Variants in GALNT12 observed in about 807,000 individuals in gnomAD.
GALNT12 encodes polypeptide N-acetylgalactosaminyltransferase 12.
In GALNT12, 45 loss-of-function variants were observed where a neutral mutation model predicts 55.5. That is an observed-to-expected ratio of 0.81 (90% CI 0.64 to 1.04). The LOEUF is 1.04. Among genes scored for constraint, GALNT12 ranks in the 50% least tolerant of loss-of-function variants. The pLI, the probability that GALNT12 is intolerant of heterozygous loss-of-function variation, is 0.00. For missense variants in GALNT12, 709 were observed against 754.8 expected (o/e 0.94, Z 0.71); for synonymous variants, 304 against 312.2 (o/e 0.97, Z 0.28).
At chr9:98,814,854 C>T (rs78280499) in intron 1 of GALNT12, among the ~76,000 whole-genome samples, 1 of 152,238 alleles carries the variant, frequency 6.6e-6, no homozygotes, top group East Asian at 1.9e-4. Flanking sequence ...TTATATGGTG[C>T]CTCTCCTGTA....
At chr9:98,810,285 A>C (rs1398153810) in intron 1 of GALNT12, among the ~76,000 whole-genome samples, 1 of 152,084 alleles carries the variant, frequency 6.6e-6, no homozygotes, top group Non-Finnish European at 1.5e-5. Flanking sequence ...GCCCTGAGGG[A>C]GGAGCATCTA....
In GALNT12 at chr9:98,823,222, ATCCTGAGT is replaced by A. The variant is rs373141623; in HGVS notation, c.372-27_372-20del. 27 of 1,609,534 alleles carry A rather than the reference ATCCTGAGT, an allele frequency of 1.7e-5. No homozygotes were observed. In the African/African-American group the frequency reaches 2.9e-4, roughly 18 times the overall value. ...CATCCCCAGTGCCAGCCTGGGCTAG[ATCCTGAGT>A]TCCTGAAGTTCCGCTGTATTTGCAG... On this transcript the variant is annotated intron_variant, in intron 1 of 9. Transcript: ENST00000375011.
rs369173179 is a variant in GALNT12 at position 98,827,298 on chromosome 9, TCTCCTCCTCA to T, written c.731+368_731+377del. Among the ~76,000 whole-genome samples, 1,175 of 152,150 alleles carry T rather than the reference TCTCCTCCTCA, an allele frequency of 7.7e-3. 15 individuals carry two copies. Among genetic ancestry groups the T allele is most frequent in the African/African-American group, 0.026 (1,075 of 41,490 alleles). ...CCTCTGCCTCCCGGGATCAAGCGAT[TCTCCTCCTCA>T]CTCCTCCTCAGCCTCCGGAGTAGCT... is the stretch of plus-strand genomic sequence containing the variant. On this transcript the variant is annotated intron_variant, in intron 3 of 9. Coordinates refer to ENST00000375011, the MANE Select transcript of GALNT12 (RefSeq NM_024642.5).
chr9:98,828,546 T>TC (rs1245108605), intron 3 of GALNT12, among the ~76,000 whole-genome samples: 1 of 152,192 alleles, frequency 6.6e-6, no homozygotes, highest in African/African-American at 2.4e-5. Context: ...CTTTTAGAAT[T>TC]CCTCTTCATC....
At chr9:98,809,560 C>T (rs143129812) in intron 1 of GALNT12, among the ~76,000 whole-genome samples, 16 of 152,208 alleles carry the variant, frequency 1.1e-4, no homozygotes, top group East Asian at 5.8e-4. Context: ...CCTTCGTTTG[C>T]GAAATAGGAA....
At chr9:98,833,363 A>C (rs1050339057) in intron 4 of GALNT12, among the ~76,000 whole-genome samples, 3 of 152,124 alleles carry the variant, frequency 2.0e-5, no homozygotes, top group African/African-American at 4.8e-5. Flanking sequence ...CGCTGCTGGC[A>C]GGAGTGGAGC....
At chr9:98,838,554 C>T (rs535625392) in intron 6 of GALNT12, among the ~76,000 whole-genome samples, 2 of 152,186 alleles carry the variant, frequency 1.3e-5, no homozygotes, top group Non-Finnish European at 2.9e-5. Flanking sequence ...TTTTCTGGTC[C>T]GGATCCTTGC....
chr9:98,841,685 T>G (rs964868989), intron 7 of GALNT12, among the ~76,000 whole-genome samples: 5 of 152,160 alleles, frequency 3.3e-5, no homozygotes, highest in African/African-American at 4.8e-5. Flanking sequence ...TTTTTTTTTT[T>G]TGAGAGAAAA....
At chr9:98,817,033 A>G (rs568276858) in intron 1 of GALNT12, among the ~76,000 whole-genome samples, 152 of 152,096 alleles carry the variant, frequency 1.0e-3, no homozygotes, top group African/African-American at 3.6e-3. Context: ...TCACCTTGTT[A>G]GCCAGGATGG....
chr9:98,827,037 G>T lies in GALNT12; in HGVS notation c.731+96G>T. ...CACGTCACTTGAGGGTTAACGGGTT[G>T]CCTGGGCTCAGCTGCTTCTCTGTCA... On this transcript the variant is annotated intron_variant, in intron 3 of 9. Transcript: ENST00000375011. 3.0e-6 allele frequency: 4 copies of T among 1,331,942 alleles called. No individual in the cohort carries two copies. In the South Asian group the frequency reaches 3.8e-5, roughly 13 times the overall value. The allele number at this position is 1,331,942 out of a possible 1,614,324, so 82.5% of individuals were successfully genotyped here. A position where few individuals can be genotyped will look rare whatever the true frequency, so the allele number is the denominator to read the frequency against.
chr9:98,849,075 A>C lies in GALNT12; in HGVS notation c.1729A>C (p.Lys577Gln). Residue 577 changes from lysine to glutamine, a missense_variant, in exon 10 of 10, where the codon AAA (lysine) becomes CAA (glutamine). Around this residue, in one of 5 missense-constraint regions of GALNT12, gnomAD observed 262 missense variants for 310.7 expected, o/e 0.84. Transcript: ENST00000375011. ...CTCGGATCATCAGAAATGGTTCTTC[A>C]AAGAGCGCATGTTATGAAGCCTCGT... ...TNSDHQKWFFKERML is the reference protein window; with the variant it reads ...TNSDHQKWFFQERML 6.2e-7 allele frequency: 1 copy of C among 1,614,190 alleles called. No individual in the cohort carries two copies. The highest frequency in any genetic ancestry group is 8.5e-7 in the Non-Finnish European group (1 of 1,180,030).
intron 3 of GALNT12, among the ~76,000 whole-genome samples, chr9:98,829,158 T>C (rs1835933401): frequency 1.1e-5 from 1 of 88,250 alleles, no homozygotes; most frequent in Non-Finnish European, 2.5e-5. Flanking sequence ...TTTTTTTATC[T>C]ATCTATCTAT....
At position 98,826,912 on chromosome 9, in the gene GALNT12, C is replaced by G. The variant is rs760069331; in HGVS notation, c.702C>G (p.His234Gln). Residue 234 changes from histidine to glutamine, a missense_variant, in exon 3 of 10, where the codon CAC becomes CAG. Around this residue, in one of 5 missense-constraint regions of GALNT12, gnomAD observed 315 missense variants for 288.6 expected, o/e 1.09. Coordinates refer to ENST00000375011, the MANE Select transcript of GALNT12 (RefSeq NM_024642.5). ...TCCTGGACTGTCACTGTGAGTGCCA[C>G]GAAGGGTGGCTGGAGCCGCTGCTGC... is the stretch of plus-strand genomic sequence containing the variant. ...LTFLDCHCEC[H>Q]EGWLEPLLQR... 1.1e-5 allele frequency: 17 copies of G among 1,573,012 alleles called. No individual in the cohort carries two copies. Among genetic ancestry groups the G allele is most frequent in the Non-Finnish European group, 1.1e-5 (13 of 1,159,376 alleles).
chr9:98,844,766 T>C (rs1836374696), intron 8 of GALNT12, among the ~76,000 whole-genome samples: 1 of 151,956 alleles, frequency 6.6e-6, no homozygotes, highest in African/African-American at 2.4e-5. Flanking sequence ...GGGGGCCAGG[T>C]GTATCTGTCT....
Position 98,849,452 on chromosome 9 carries a change from T to C in GALNT12, c.*360T>C, listed in dbSNP as rs1213848303. On this transcript the variant is annotated 3_prime_UTR_variant, in exon 10 of 10. Coordinates refer to ENST00000375011, the MANE Select transcript of GALNT12 (RefSeq NM_024642.5). ...AAAAAAGATAAAGATTTTATTTTGG[T>C]ATTTACAAGAATTCCCAGGTACGAA... 1.9e-6 allele frequency: 1 copy of C among 532,434 alleles called. No individual in the cohort carries two copies. The highest frequency in any genetic ancestry group is 3.3e-6 in the Non-Finnish European group (1 of 306,066). The allele number at this position is 532,434 out of a possible 1,614,324, so 33.0% of individuals were successfully genotyped here.
intron 1 of GALNT12, among the ~76,000 whole-genome samples, chr9:98,809,542 T>G (rs949590431): frequency 4.6e-5 from 7 of 152,202 alleles, no homozygotes; most frequent in African/African-American, 1.7e-4. Context: ...TCTCAGAGCC[T>G]TGGTTTCCCT....
At chr9:98,822,254 T>G (rs956918502) in intron 1 of GALNT12, among the ~76,000 whole-genome samples, 1 of 152,192 alleles carries the variant, frequency 6.6e-6, no homozygotes, top group Non-Finnish European at 1.5e-5. Flanking sequence ...CATTCAAACT[T>G]TGTCCCTTCT....
intron 3 of GALNT12, among the ~76,000 whole-genome samples, chr9:98,828,447 C>T (rs1355352478): frequency 1.3e-5 from 2 of 152,060 alleles, no homozygotes; most frequent in African/African-American, 4.8e-5. Context: ...TTCCTTCGTT[C>T]CCCCACTGCA....
At chr9:98,830,047 C>CAAACTGTTCTCCATAGAGGTTGTACTA (rs1835955874) in intron 3 of GALNT12, among the ~76,000 whole-genome samples, 1 of 152,198 alleles carries the variant, frequency 6.6e-6, no homozygotes, top group African/African-American at 2.4e-5. Flanking sequence ...GAGGAACCTT[C>CAAACTGTTCTCCATAGAGGTTGTACTA]AAACTGTTCT....
Sources: allele counts gnomAD v4.1 joint callset (sites outside exome capture counted in the v4.1 genomes callset), GRCh38; gene constraint gnomAD v4.1.1; regional missense constraint gnomAD v4.1.1; transcripts MANE v1.5; gene names NCBI Gene and HGNC (gene_info 2026-07-23, HGNC 2026-07-21).